UBR3: variants seen among roughly 807,000 people sequenced by gnomAD.
The protein encoded by UBR3 is E3 ubiquitin-protein ligase UBR3.
A neutral mutation model predicts 243.2 loss-of-function variants in UBR3; 85 were observed. The ratio of observed to expected loss-of-function variants is 0.35; its 90% CI spans 0.29 to 0.42. The LOEUF (loss-of-function observed/expected upper bound fraction) is 0.42. Among genes scored for constraint, UBR3 ranks in the 10% least tolerant of loss-of-function variants. UBR3 has a pLI of 1.00. For missense variants in UBR3, 1,686 were observed against 2,300.8 expected (o/e 0.73, Z 5.47); for synonymous variants, 748 against 799.8 (o/e 0.94, Z 1.09).
chr2:169,888,067 C>T (rs555398374), intron 5 of UBR3, among the ~76,000 whole-genome samples: 17 of 151,606 alleles, frequency 1.1e-4, no homozygotes, highest in African/African-American at 2.4e-4. Context: ...TGAGCCACCA[C>T]GCCCGGCAGT....
chr2:169,899,612 A>G (rs2084733093), intron 8 of UBR3, among the ~76,000 whole-genome samples: 2 of 152,078 alleles, frequency 1.3e-5, no homozygotes, highest in African/African-American at 4.8e-5. Flanking sequence ...GCACCCATCA[A>G]CCTGTCATCT....
chr2:169,904,267 C>A (rs1181441297), intron 8 of UBR3, among the ~76,000 whole-genome samples: 1 of 152,036 alleles, frequency 6.6e-6, no homozygotes, highest in Admixed American at 6.6e-5. Context: ...ATAAAAAGAA[C>A]AATTAGCATG....
intron 1 of UBR3, among the ~76,000 whole-genome samples, chr2:169,848,943 C>T (rs1034910022): frequency 6.6e-6 from 1 of 151,996 alleles, no homozygotes; most frequent in South Asian, 2.1e-4. Flanking sequence ...CTTTAACCCA[C>T]GTAAATGGCA....
chr2:169,927,575 GTTT>G lies in UBR3; in HGVS notation c.2424+183_2424+185del, dbSNP rs5836254. On this transcript the variant is annotated intron_variant, in intron 17 of 38. Coordinates refer to ENST00000272793, the MANE Select transcript of UBR3 (RefSeq NM_172070.4). ...AAGTATGTATTCAAGCCTGGTGACTGTTTTTTTTTTTTTTTAACCTCCTGTTAT... is the reference window on the plus strand; with the variant it reads ...AAGTATGTATTCAAGCCTGGTGACTGTTTTTTTTTTTTAACCTCCTGTTAT... Among the ~76,000 whole-genome samples the G allele has an allele frequency of 2.9e-3, 419 of 146,030 alleles. 1 individual carries two copies. Among genetic ancestry groups the G allele is most frequent in the African/African-American group, 5.0e-3 (197 of 39,704 alleles).
intron 6 of UBR3, among the ~76,000 whole-genome samples, chr2:169,894,647 T>TC (rs768852394): frequency 6.6e-5 from 10 of 152,316 alleles, no homozygotes; most frequent in Middle Eastern, 6.8e-3. Flanking sequence ...CCTGGGGAGA[T>TC]GTGGTATGAA....
At chr2:169,955,703 A>G (rs1229572486) in intron 23 of UBR3, among the ~76,000 whole-genome samples, 4 of 149,560 alleles carry the variant, frequency 2.7e-5, no homozygotes, top group African/African-American at 9.9e-5. Flanking sequence ...CTGAAGCATG[A>G]GAATTGCTTG....
At chr2:170,002,432 A>AT (rs1453666085) in intron 27 of UBR3, among the ~76,000 whole-genome samples, 1 of 152,180 alleles carries the variant, frequency 6.6e-6, no homozygotes, top group African/African-American at 2.4e-5. Context: ...CCTCCCCAAG[A>AT]TTCATTTCCT....
chr2:170,023,811 C>T (rs757742766), intron 30 of UBR3, among the ~76,000 whole-genome samples: 1 of 152,130 alleles, frequency 6.6e-6, no homozygotes, highest in African/African-American at 2.4e-5. Context: ...CTCCTGAACT[C>T]GTGATCCACC....
At chr2:169,874,291 C>T (rs1295977000) in intron 2 of UBR3, among the ~76,000 whole-genome samples, 4 of 151,982 alleles carry the variant, frequency 2.6e-5, no homozygotes, top group Non-Finnish European at 5.9e-5. Flanking sequence ...GCCTCAGCCT[C>T]CCAAACAGCT....
chr2:169,969,520 T>C (rs2087988836), intron 24 of UBR3, among the ~76,000 whole-genome samples: 1 of 151,768 alleles, frequency 6.6e-6, no homozygotes, highest in Non-Finnish European at 1.5e-5. Context: ...TATTTATTTC[T>C]GTGTTCTCTA....
chr2:170,073,186 A>G (rs2091736428), intron 35 of UBR3, among the ~76,000 whole-genome samples: 1 of 152,184 alleles, frequency 6.6e-6, no homozygotes, highest in Admixed American at 6.6e-5. Flanking sequence ...AAATAAATGT[A>G]TAAAAGAAGC....
intron 5 of UBR3, among the ~76,000 whole-genome samples, chr2:169,881,452 T>C (rs2083821575): frequency 6.6e-6 from 1 of 151,972 alleles, no homozygotes; most frequent in Non-Finnish European, 1.5e-5. Flanking sequence ...GTGCTGGGAT[T>C]ATAGGTATGA....
At chr2:169,890,534 G>GATATATATATATATAT (rs1329333538) in intron 5 of UBR3, among the ~76,000 whole-genome samples, 15 of 17,456 alleles carry the variant, frequency 8.6e-4, no homozygotes, top group African/African-American at 2.1e-3. Flanking sequence ...AGGAGAGAGA[G>GATATATATATATATAT]AGAGAGATAT....
At chr2:169,941,383 A>T (rs2086580964) in intron 19 of UBR3, among the ~76,000 whole-genome samples, 1 of 152,220 alleles carries the variant, frequency 6.6e-6, no homozygotes, top group Non-Finnish European at 1.5e-5. Flanking sequence ...GATTAACAGT[A>T]ATAACTAAAG....
rs558058541 is a variant in UBR3 at position 169,842,269 on chromosome 2, G to A, written c.545+14217G>A. Among the ~76,000 whole-genome samples the A allele has an allele frequency of 2.8e-4, 42 of 152,162 alleles. 1 individual carries two copies. Among genetic ancestry groups the A allele is most frequent in the South Asian group, 2.3e-3 (11 of 4,814 alleles). On this transcript the variant is annotated intron_variant, in intron 1 of 38. Transcript: ENST00000272793. ...TGGGGCCTTGGAGAACCTGTGTGTC[G>A]AAACTCTGTATCTAACTAATCTGAT...
chr2:169,845,002 A>G (rs13411451), intron 1 of UBR3, among the ~76,000 whole-genome samples: 37,517 of 152,114 alleles, frequency 0.25, 4,789 homozygotes, highest in East Asian at 0.42. Flanking sequence ...ATATAATGCA[A>G]TAAATTTCCC....
At chr2:169,896,387 A>G (rs902920127) in intron 7 of UBR3, 120 bp from the exon 8 acceptor site, 8 of 599,842 alleles carry the variant, frequency 1.3e-5, no homozygotes, top group Middle Eastern at 5.0e-4. Flanking sequence ...TTTTTAAGTT[A>G]TCTTGGGCAT....
At chr2:169,928,673 G>A in intron 17 of UBR3, 54 bp from the exon 18 acceptor site, 1 of 1,361,792 alleles carries the variant, frequency 7.3e-7, no homozygotes, top group Admixed American at 2.4e-5. Context: ...ACCTTGGAAA[G>A]GCTATAAATC....
In UBR3 at chr2:170,008,888, A is replaced by G; in HGVS notation, c.4315A>G (p.Lys1439Glu). The G allele has an allele frequency of 6.2e-7, 1 of 1,600,092 alleles. No individual in the cohort carries two copies. ...TCAGAAGAAATATAGAGACTATAGC[A>G]AGACCCCGGGCTCACCAGACAATGA... ...TTQKKYRDYS[K>E]TPGSPDNDFL... Residue 1439 changes from lysine (K) to glutamate (E), a missense_variant, in exon 29 of 39, where the codon AAG (lysine) becomes GAG (glutamate). Transcript: ENST00000272793.
Sources: gnomAD v4.1 joint callset for allele counts (sites outside exome capture counted in the v4.1 genomes callset) on GRCh38, gnomAD v4.1.1 for gene constraint, MANE v1.5 for transcripts, NCBI Gene and HGNC (gene_info 2026-07-23, HGNC 2026-07-21) for gene names.